KMT2C: variants seen among roughly 807,000 people sequenced by gnomAD.
KMT2C encodes the protein lysine methyltransferase 2C, also known as histone-lysine N-methyltransferase 2C.
In KMT2C, 88 loss-of-function variants were observed where a neutral mutation model predicts 507.9. The observed-to-expected ratio is 0.17, with a 90% CI of 0.15 to 0.21. The LOEUF (loss-of-function observed/expected upper bound fraction) is 0.21. Among genes scored for constraint, KMT2C ranks in the 10% least tolerant of loss-of-function variants. The pLI is 1.00. For missense variants in KMT2C, 4,954 were observed against 5,957.8 expected (o/e 0.83, Z 5.55); for synonymous variants, 2,049 against 2,080.8 (o/e 0.98, Z 0.42).
chr7:152,334,468 G>T (rs1219054556), intron 2 of KMT2C, among the ~76,000 whole-genome samples: 1 of 152,090 alleles, frequency 6.6e-6, no homozygotes, highest in Non-Finnish European at 1.5e-5. Flanking sequence ...AAGAAAGAAA[G>T]AAAGTAGACA....
At chr7:152,219,573 C>G (rs2094701281) in intron 23 of KMT2C, among the ~76,000 whole-genome samples, 1 of 150,928 alleles carries the variant, frequency 6.6e-6, no homozygotes, top group South Asian at 2.1e-4. Context: ...TAACAAGACA[C>G]TGCCCCTTAA....
intron 26 of KMT2C, among the ~76,000 whole-genome samples, chr7:152,201,886 C>T (rs955305160): frequency 5.9e-5 from 9 of 152,018 alleles, no homozygotes; most frequent in Non-Finnish European, 8.8e-5. Context: ...TTAAACAGAA[C>T]AAAATCACAC....
intron 43 of KMT2C, among the ~76,000 whole-genome samples, chr7:152,160,763 C>T (rs796625107): frequency 6.6e-6 from 1 of 151,192 alleles, no homozygotes; most frequent in Non-Finnish European, 1.5e-5. Context: ...GGTTGTTCCC[C>T]ATGCCATTAA....
intron 1 of KMT2C, among the ~76,000 whole-genome samples, chr7:152,428,340 C>A (rs774715587): frequency 6.6e-6 from 1 of 150,688 alleles, no homozygotes; most frequent in African/African-American, 2.4e-5. Context: ...GGGCTGGGTG[C>A]GGTGGCTCAT....
chr7:152,209,991 T>G (rs987556687), intron 23 of KMT2C, among the ~76,000 whole-genome samples: 1 of 152,182 alleles, frequency 6.6e-6, no homozygotes, highest in African/African-American at 2.4e-5. Context: ...GAGAAGCTGC[T>G]ACTCTCATTT....
chr7:152,183,297 A>G (rs1002621407), intron 34 of KMT2C, 141 bp from the exon 35 acceptor site: 1 of 620,430 alleles, frequency 1.6e-6, no homozygotes, highest in African/African-American at 1.9e-5. Context: ...CCTCCCAAAA[A>G]AGGATCTGGA....
chr7:152,240,698 C>T (rs2095366841), intron 14 of KMT2C, among the ~76,000 whole-genome samples: 2 of 152,248 alleles, frequency 1.3e-5, no homozygotes, highest in African/African-American at 4.8e-5. Flanking sequence ...CCTTGTCACT[C>T]TCCTTTGCTC....
Position 152,138,743 on chromosome 7 carries a change from C to A in KMT2C, c.14643+53G>T. On this transcript the variant is annotated intron_variant, in intron 58 of 58. Coordinates refer to ENST00000262189, the MANE Select transcript of KMT2C (RefSeq NM_170606.3). The surrounding 1 kb of genome is among the most constrained non-coding windows in gnomAD (Gnocchi z 4.2). ...GTAAGTGACCTGTGTGAGGAGGGAA[C>A]TATTCGCCCAGGATCTGAACAACAT... 9.1e-7 allele frequency: 1 copy of A among 1,096,854 alleles called. No individual in the cohort carries two copies. Among genetic ancestry groups the A allele is most frequent in the Non-Finnish European group, 1.3e-6 (1 of 744,954 alleles). 67.9% of individuals were successfully genotyped at this position (1,096,854 alleles called of 1,614,324 possible). A position where few individuals can be genotyped will look rare whatever the true frequency, so the allele number is the denominator to read the frequency against.
At chr7:152,424,115 AT>A (rs796410635) in intron 1 of KMT2C, among the ~76,000 whole-genome samples, 18 of 149,962 alleles carry the variant, frequency 1.2e-4, no homozygotes, top group Admixed American at 2.7e-4. Flanking sequence ...TCCCAAATGC[AT>A]TTTTTTTTTC....
intron 38 of KMT2C, among the ~76,000 whole-genome samples, chr7:152,174,978 T>A (rs1314419328): frequency 6.6e-6 from 1 of 152,194 alleles, no homozygotes; most frequent in African/African-American, 2.4e-5. Flanking sequence ...TTTCTTAAAT[T>A]CATCCTTCCA....
rs750597117 is a variant in KMT2C at position 152,177,613 on chromosome 7, C to T, written c.7840G>A (p.Gly2614Ser). 1.9e-6 allele frequency: 3 copies of T among 1,613,992 alleles called. No homozygotes were observed. Among genetic ancestry groups the T allele is most frequent in the Non-Finnish European group, 1.7e-6 (2 of 1,180,000 alleles). ...HTDPMRRPPQ[G>S]LPNQLPVHPD... ...TGCACAGGTAGCTGATTAGGTAGAC[C>T]CTGGGGAGGTCGTCGCATGGGGTCT... Residue 2614 changes from glycine (G) to serine (S), a missense_variant, in exon 38 of 59, where the codon GGT becomes AGT. Gly to Ser is a moderately conservative substitution (Grantham distance 56). Coordinates refer to ENST00000262189, the MANE Select transcript of KMT2C (RefSeq NM_170606.3).
intron 1 of KMT2C, among the ~76,000 whole-genome samples, chr7:152,388,345 G>A (rs1360747586): frequency 6.6e-6 from 1 of 151,902 alleles, no homozygotes; most frequent in Admixed American, 6.6e-5. Flanking sequence ...GACCTCCTGA[G>A]GTCAGGAGTT....
Position 152,397,104 on chromosome 7 carries a change from C to T in KMT2C, c.162-38429G>A, listed in dbSNP as rs148249216. Among the ~76,000 whole-genome samples the T allele has an allele frequency of 1.5e-3, 229 of 152,298 alleles. 1 individual carries two copies. Among genetic ancestry groups the T allele is most frequent in the African/African-American group, 5.1e-3 (214 of 41,560 alleles). ...AATGACATTTCTGTCCACTCAACTACTGAAGCCACAAATCTAGAAGACAAT... is the reference window on the plus strand; with the variant it reads ...AATGACATTTCTGTCCACTCAACTATTGAAGCCACAAATCTAGAAGACAAT... On this transcript the variant is annotated intron_variant, in intron 1 of 58. Transcript: ENST00000262189.
chr7:152,143,943 T>C (rs973721889), intron 55 of KMT2C, among the ~76,000 whole-genome samples: 5 of 152,190 alleles, frequency 3.3e-5, no homozygotes, highest in African/African-American at 4.8e-5. Flanking sequence ...GCAAGTGATA[T>C]GTGGCTCAAG....
rs774556435 is a variant in KMT2C, at chr7:152,187,696, T to C, written c.4793+19A>G. 23 of 1,600,146 alleles carry C rather than the reference T, an allele frequency of 1.4e-5. No homozygotes were observed. The Admixed American group carries it at 1.9e-4, about 14-fold the overall frequency. On this transcript the variant is annotated intron_variant, in intron 32 of 58. Transcript: ENST00000262189. ...GAAATTAGTGCAATTTAAGTTTCCA[T>C]AGAAAATAAGGCTTGTACCTGGCAT...
chr7:152,367,053 T>G (rs1387124043), intron 1 of KMT2C: 7 of 661,940 alleles, frequency 1.1e-5, no homozygotes, highest in East Asian at 8.4e-5. Flanking sequence ...AGGTCTTTCT[T>G]GAAGAAATCT....
intron 2 of KMT2C, among the ~76,000 whole-genome samples, chr7:152,353,796 G>A (rs1444954012): frequency 1.3e-5 from 2 of 152,184 alleles, no homozygotes; most frequent in African/African-American, 2.4e-5. Context: ...ACCACGCCCA[G>A]CGTAATACCC....
chr7:152,308,179 A>T (rs1209457568), intron 6 of KMT2C, among the ~76,000 whole-genome samples: 4 of 152,158 alleles, frequency 2.6e-5, no homozygotes, highest in Non-Finnish European at 5.9e-5. Flanking sequence ...CATCTATGTA[A>T]ATCAGTTCAT....
intron 1 of KMT2C, among the ~76,000 whole-genome samples, chr7:152,407,774 T>C (rs1472930693): frequency 2.6e-5 from 4 of 152,048 alleles, no homozygotes; most frequent in African/African-American, 2.4e-5. Context: ...TTTGTATTGG[T>C]CTAGAAGTTG....
Sources: allele counts gnomAD v4.1 joint callset (sites outside exome capture counted in the v4.1 genomes callset), GRCh38; gene constraint gnomAD v4.1.1; non-coding constraint Gnocchi (gnomAD v3.1); transcripts MANE v1.5; gene names NCBI Gene and HGNC (gene_info 2026-07-23, HGNC 2026-07-21).